The following PAX5 variants were observed in gnomAD, a reference collection of about 807,000 sequenced individuals.
PAX5 encodes paired box 5, also known as paired box protein Pax-5.
A neutral mutation model predicts 43.7 loss-of-function variants in PAX5; 9 were observed. That is an observed-to-expected ratio of 0.21 (90% CI 0.12 to 0.36). PAX5 has a LOEUF of 0.36. Among genes scored for constraint, PAX5 ranks in the 10% least tolerant of loss-of-function variants. PAX5 has a pLI of 1.00. For missense variants in PAX5, 383 were observed against 532.7 expected (o/e 0.72, Z 2.77); for synonymous variants, 228 against 214.3 (o/e 1.06, Z -0.56).
intron 5 of PAX5, among the ~76,000 whole-genome samples, chr9:36,978,914 A>G (rs1009139837): frequency 3.9e-5 from 6 of 152,082 alleles, no homozygotes; most frequent in Non-Finnish European, 8.8e-5. Flanking sequence ...GGTCCCCGAT[A>G]TCTATATATA....
intron 8 of PAX5, among the ~76,000 whole-genome samples, chr9:36,855,557 C>T (rs921234598): frequency 2.6e-5 from 4 of 152,176 alleles, no homozygotes; most frequent in African/African-American, 9.7e-5. Flanking sequence ...TGTGTGCATG[C>T]GTGAGGTGGG....
intron 1 of PAX5, among the ~76,000 whole-genome samples, chr9:37,028,380 C>T (rs1840643541): frequency 6.6e-6 from 1 of 152,240 alleles, no homozygotes; most frequent in African/African-American, 2.4e-5. Flanking sequence ...GTCGTCCACC[C>T]TCCTCCCTCA....
At chr9:36,877,999 G>A (rs1489157144) in intron 8 of PAX5, among the ~76,000 whole-genome samples, 1 of 152,128 alleles carries the variant, frequency 6.6e-6, no homozygotes, top group Non-Finnish European at 1.5e-5. Context: ...CTCCTGCCTT[G>A]GAGCAATGCA....
intron 8 of PAX5, among the ~76,000 whole-genome samples, chr9:36,848,812 A>C (rs1822863427): frequency 6.6e-6 from 1 of 152,188 alleles, no homozygotes; most frequent in Non-Finnish European, 1.5e-5. Context: ...CCAGCCCCAC[A>C]AAGTGCAAGT....
intron 6 of PAX5, among the ~76,000 whole-genome samples, chr9:36,945,699 C>T (rs948432861): frequency 4.6e-5 from 7 of 152,230 alleles, no homozygotes; most frequent in East Asian, 1.9e-4. Flanking sequence ...CAAATTGGAT[C>T]AGCCGGTCCA....
chr9:36,943,499 A>G (rs1023314488), intron 6 of PAX5, among the ~76,000 whole-genome samples: 2 of 148,858 alleles, frequency 1.3e-5, no homozygotes, highest in African/African-American at 2.5e-5. Flanking sequence ...TCCTAAAGAT[A>G]TTGCTGAGTA....
rs899451418 is a variant in PAX5 at position 36,868,045 on chromosome 9, G to A, written c.1012+13959C>T. 2.6e-5 allele frequency among the ~76,000 whole-genome samples: 4 copies of A among 152,148 alleles called. No individual in the cohort carries two copies. In the East Asian group the frequency reaches 5.8e-4, roughly 22 times the overall value. ...TGAAAGGGAAAACATGAGGGATGAG[G>A]GCGAGAGGCAAGTCCCCCGAGAGGG... On this transcript the variant is annotated intron_variant, in intron 8 of 9. Transcript: ENST00000358127.
intron 6 of PAX5, among the ~76,000 whole-genome samples, chr9:36,929,836 C>T (rs1317692115): frequency 2.0e-5 from 3 of 152,216 alleles, no homozygotes; most frequent in African/African-American, 7.2e-5. Context: ...AGTGATTCTC[C>T]CGTCTCAACC....
chr9:36,837,306 T>C lies in PAX5; in HGVS notation c.*3254A>G, dbSNP rs964535513. ...GCAAAGCACCGTACAATGTCAGTTA[T>C]GGAAGGGCTAGCCTTAACTAAGGTG... On this transcript the variant is annotated 3_prime_UTR_variant, in exon 10 of 10. Coordinates refer to ENST00000358127, the MANE Select transcript of PAX5 (RefSeq NM_016734.3). The C allele has an allele frequency of 3.9e-4, 90 of 233,306 alleles. No individual in the cohort carries two copies. The highest frequency in any genetic ancestry group is 1.8e-3 in the African/African-American group (81 of 45,482). The allele number at this position is 233,306 out of a possible 1,614,324, so 14.5% of individuals were successfully genotyped here. A position where few individuals can be genotyped will look rare whatever the true frequency, so the allele number is the denominator to read the frequency against.
At chr9:36,895,971 A>G (rs1185079693) in intron 7 of PAX5, among the ~76,000 whole-genome samples, 1 of 152,172 alleles carries the variant, frequency 6.6e-6, no homozygotes, top group African/African-American at 2.4e-5. Context: ...ACTAGGAGTC[A>G]GAAAACCCCG....
chr9:36,977,671 C>T (rs1317452645), intron 5 of PAX5, among the ~76,000 whole-genome samples: 1 of 152,174 alleles, frequency 6.6e-6, no homozygotes. Flanking sequence ...GCTGGGACTA[C>T]AGGTATGCAC....
rs192676305 is a variant in PAX5 at position 36,837,644 on chromosome 9, G to A, written c.*2916C>T. On this transcript the variant is annotated 3_prime_UTR_variant, in exon 10 of 10. Coordinates refer to ENST00000358127, the MANE Select transcript of PAX5 (RefSeq NM_016734.3). ...GTGCTGTGAATTGGTGAGAGCGGGC[G>A]TGTGTGTGTGAGAACATCCGTGTGC... is the stretch of plus-strand genomic sequence containing the variant. The A allele has an allele frequency of 2.6e-3, 611 of 233,002 alleles. 4 individuals carry two copies. Among genetic ancestry groups the A allele is most frequent in the African/African-American group, 0.012 (549 of 45,456 alleles). The allele number at this position is 233,002 out of a possible 1,614,324, so 14.4% of individuals were successfully genotyped here.
At chr9:37,013,960 A>G (rs1459044202) in intron 3 of PAX5, among the ~76,000 whole-genome samples, 1 of 152,182 alleles carries the variant, frequency 6.6e-6, no homozygotes, top group Non-Finnish European at 1.5e-5. Context: ...CGACCACCTC[A>G]TTCTGCCAGG....
chr9:37,021,895 C>T (rs1839887152), intron 1 of PAX5, among the ~76,000 whole-genome samples: 1 of 152,156 alleles, frequency 6.6e-6, no homozygotes, highest in African/African-American at 2.4e-5. Flanking sequence ...GGGGAAACTC[C>T]TCCTGAACCA....
chr9:36,835,058 G>A lies in PAX5; in HGVS notation c.*5502C>T, dbSNP rs61729933. On this transcript the variant is annotated 3_prime_UTR_variant, in exon 10 of 10. Transcript: ENST00000358127. The stretch of plus-strand genomic sequence containing the variant: ...ACAGGCCAAGTACCCTACCTGAGAC[G>A]ACTCCTTTGAGGCTTTGCTGATTGT... 2,944 of 233,322 alleles carry A rather than the reference G, an allele frequency of 0.013. 29 individuals are homozygous for A. The highest frequency in any genetic ancestry group is 0.019 in the Non-Finnish European group (2,256 of 118,076). The allele number at this position is 233,322 out of a possible 1,614,324, so 14.5% of individuals were successfully genotyped here. A position where few individuals can be genotyped will look rare whatever the true frequency, so the allele number is the denominator to read the frequency against.
Position 36,923,339 on chromosome 9 carries a change from C to T in PAX5, c.910+16G>A, listed in dbSNP as rs778029143. 1.9e-6 allele frequency: 3 copies of T among 1,606,684 alleles called. No individual in the cohort carries two copies. Among genetic ancestry groups the T allele is most frequent in the Admixed American group, 1.7e-5 (1 of 59,758 alleles). On this transcript the variant is annotated intron_variant, in intron 7 of 9. Transcript: ENST00000358127. ...CTCTCTCCCTCACTCATCCCCCATG[C>T]CCCAGGTGCCCTCACCTGTCACAAT...
At chr9:36,971,838 C>A (rs984243167) in intron 5 of PAX5, among the ~76,000 whole-genome samples, 15 of 152,182 alleles carry the variant, frequency 9.9e-5, no homozygotes, top group Admixed American at 9.2e-4. Flanking sequence ...TTTACACAAT[C>A]GGGTCTGGTC....
intron 6 of PAX5, among the ~76,000 whole-genome samples, chr9:36,950,265 A>G (rs1697739201): frequency 6.6e-6 from 1 of 152,208 alleles, no homozygotes; most frequent in South Asian, 2.1e-4. Flanking sequence ...TCTTAAAAGC[A>G]TTGACACTGA....
At chr9:36,860,716 G>A (rs2131644770) in intron 8 of PAX5, among the ~76,000 whole-genome samples, 1 of 152,268 alleles carries the variant, frequency 6.6e-6, no homozygotes, top group Non-Finnish European at 1.5e-5. Context: ...GGCCCCTAAG[G>A]AGACTGGCTT....
Sources: gnomAD v4.1 joint callset for allele counts (sites outside exome capture counted in the v4.1 genomes callset) on GRCh38, gnomAD v4.1.1 for gene constraint, MANE v1.5 for transcripts, NCBI Gene and HGNC (gene_info 2026-07-23, HGNC 2026-07-21) for gene names.